The following HECW2 variants were observed in gnomAD, a reference collection of about 807,000 sequenced individuals.
HECW2 encodes E3 ubiquitin-protein ligase HECW2.
In HECW2, 61 loss-of-function variants were observed where a neutral mutation model predicts 175.2. The ratio of observed to expected loss-of-function variants is 0.35; its 90% confidence interval spans 0.28 to 0.43. The LOEUF (loss-of-function observed/expected upper bound fraction) is 0.43. Ranked by LOEUF, HECW2 falls within the 20% of genes least tolerant of loss-of-function variation. The pLI is 1.00. For missense variants in HECW2, 1,524 were observed against 2,000.5 expected (o/e 0.76, Z 4.54); for synonymous variants, 671 against 731.0 (o/e 0.92, Z 1.32).
At chr2:196,251,048 T>A (rs1317144902) in intron 19 of HECW2, among the ~76,000 whole-genome samples, 1 of 152,064 alleles carries the variant, frequency 6.6e-6, no homozygotes, top group Non-Finnish European at 1.5e-5. Flanking sequence ...TGATGCCCTA[T>A]CCCCCTTTTG....
At chr2:196,431,265 G>A (rs1695704285) in intron 2 of HECW2, among the ~76,000 whole-genome samples, 1 of 152,142 alleles carries the variant, frequency 6.6e-6, no homozygotes, top group Non-Finnish European at 1.5e-5. Flanking sequence ...ACAACATCAA[G>A]ATTTTGTGGG....
intron 2 of HECW2, among the ~76,000 whole-genome samples, chr2:196,386,168 G>T (rs190465707): frequency 1.9e-4 from 29 of 152,302 alleles, no homozygotes; most frequent in Admixed American, 7.2e-4. Context: ...AAAACCACCT[G>T]CCCTCATGGA....
At chr2:196,419,446 AC>A (rs1326307556) in intron 2 of HECW2, among the ~76,000 whole-genome samples, 7 of 152,152 alleles carry the variant, frequency 4.6e-5, no homozygotes, top group African/African-American at 9.7e-5. Flanking sequence ...ATGCCAAAAA[AC>A]ATCTCAATTT....
chr2:196,266,282 T>C (rs528094251), intron 17 of HECW2, among the ~76,000 whole-genome samples: 116 of 151,586 alleles, frequency 7.7e-4, no homozygotes, highest in Non-Finnish European at 1.5e-4. Flanking sequence ...AGGAGGTTGA[T>C]GCTGCAGTCA....
chr2:196,271,588 T>C (rs921183688), intron 16 of HECW2, among the ~76,000 whole-genome samples: 9 of 152,268 alleles, frequency 5.9e-5, no homozygotes, highest in Middle Eastern at 3.4e-3. Context: ...GTGCCCGGCC[T>C]ATAAATCCAA....
chr2:196,371,485 C>T (rs79576132), intron 2 of HECW2, among the ~76,000 whole-genome samples: 5,787 of 152,250 alleles, frequency 0.038, 161 homozygotes, highest in Non-Finnish European at 0.054. Context: ...CAGTGCTCCA[C>T]AAAATGTGGG....
chr2:196,396,912 C>G lies in HECW2; in HGVS notation c.292+36220G>C, dbSNP rs558054188. Among the ~76,000 whole-genome samples the G allele has an allele frequency of 2.7e-4, 41 of 152,066 alleles. 1 individual carries two copies. Among genetic ancestry groups the G allele is most frequent in the African/African-American group, 9.9e-4 (41 of 41,490 alleles). On this transcript the variant is annotated intron_variant, in intron 2 of 28. Coordinates refer to ENST00000644978, the MANE Select transcript of HECW2 (RefSeq NM_001348768.2). ...GGATCACGAGGTCAGGAGATTGAGA[C>G]CATCCTGGCTAACATGGTGAAGCCC...
chr2:196,249,923 C>A (rs540490185), intron 19 of HECW2, among the ~76,000 whole-genome samples: 6 of 152,218 alleles, frequency 3.9e-5, no homozygotes, highest in Non-Finnish European at 8.8e-5. Context: ...AAATGTTTAA[C>A]TCTAAATGTA....
chr2:196,487,439 T>C (rs1687047424), intron 1 of HECW2, among the ~76,000 whole-genome samples: 1 of 152,206 alleles, frequency 6.6e-6, no homozygotes, highest in Non-Finnish European at 1.5e-5. Flanking sequence ...AGTTAGATCA[T>C]GAAGAAAGGC....
At position 196,473,160 on chromosome 2, in the gene HECW2, A is replaced by C. The variant is rs796218951; in HGVS notation, c.-35-39702T>G. On this transcript the variant is annotated intron_variant, in intron 1 of 28. Coordinates refer to ENST00000644978, the MANE Select transcript of HECW2 (RefSeq NM_001348768.2). ...TTACTAAAAACCACATTTTTCAAAA[A>C]TCAAACTAGGATAAGTGTGATAGCT... Among the ~76,000 whole-genome samples, 4 of 152,340 alleles carry C rather than the reference A, an allele frequency of 2.6e-5. No individual in the cohort carries two copies. In the East Asian group the frequency reaches 5.8e-4, roughly 22 times the overall value.
At chr2:196,318,190 G>A (rs1288382710) in intron 9 of HECW2, among the ~76,000 whole-genome samples, 1 of 152,168 alleles carries the variant, frequency 6.6e-6, no homozygotes, top group Non-Finnish European at 1.5e-5. Flanking sequence ...TAACAGGCCT[G>A]TTACTTCAGC....
Position 196,227,995 on chromosome 2 carries a change from AC to A in HECW2, c.3917+106del, listed in dbSNP as rs1687915883. ...AATGAGGTATTTAACTGAAAATATG[AC>A]TTTGCCCAAGGGAAAAAATGTTTTA... On this transcript the variant is annotated intron_variant, in intron 22 of 28. Coordinates refer to ENST00000644978, the MANE Select transcript of HECW2 (RefSeq NM_001348768.2). 3 of 1,036,792 alleles carry A rather than the reference AC, an allele frequency of 2.9e-6. No homozygotes were observed. The East Asian group carries it at 8.0e-5, about 28-fold the overall frequency. 64.2% of individuals were successfully genotyped at this position (1,036,792 alleles called of 1,614,324 possible).
At chr2:196,406,593 C>A (rs547774647) in intron 2 of HECW2, among the ~76,000 whole-genome samples, 1 of 152,288 alleles carries the variant, frequency 6.6e-6, no homozygotes, top group Admixed American at 6.5e-5. Flanking sequence ...GGAATAAAAC[C>A]CAAACTCCTT....
intron 1 of HECW2, among the ~76,000 whole-genome samples, chr2:196,451,636 A>G (rs1696350858): frequency 1.3e-5 from 2 of 152,140 alleles, no homozygotes; most frequent in African/African-American, 4.8e-5. Flanking sequence ...GCAGTGGCTC[A>G]TGCCTGTAAT....
At chr2:196,365,959 A>G (rs1308077681) in intron 2 of HECW2, among the ~76,000 whole-genome samples, 1 of 152,220 alleles carries the variant, frequency 6.6e-6, no homozygotes, top group East Asian at 1.9e-4. Context: ...TTGGGTCTGT[A>G]TAACATCAAA....
Position 196,307,978 on chromosome 2 carries a change from G to T in HECW2, c.2542C>A (p.Gln848Lys). Residue 848 changes from glutamine (Q) to lysine (K), a missense_variant, in exon 11 of 29, where the codon CAG becomes AAG. Transcript: ENST00000644978. The stretch of plus-strand genomic sequence containing the variant: ...ATTTGCTGTATGGAGTTAGATCTCT[G>T]CAGCACCTGCGGGGCTGGGGGAGCT... ...PTAPPAPQVLQRSNSIQQMEQ... is the reference protein window; with the variant it reads ...PTAPPAPQVLKRSNSIQQMEQ... The T allele has an allele frequency of 6.2e-7, 1 of 1,602,772 alleles. No homozygotes were observed.
chr2:196,300,931 A>G (rs771405505), intron 13 of HECW2, among the ~76,000 whole-genome samples: 25 of 151,916 alleles, frequency 1.6e-4, no homozygotes, highest in Admixed American at 8.5e-4. Flanking sequence ...TGTTACATAG[A>G]CAAATGTGTG....
intron 1 of HECW2, among the ~76,000 whole-genome samples, chr2:196,534,392 A>G (rs1409630276): frequency 1.3e-5 from 2 of 152,232 alleles, no homozygotes; most frequent in Admixed American, 1.3e-4. Flanking sequence ...ATAAATTATT[A>G]GTAGCAACGT....
At chr2:196,431,914 A>C (rs1695724836) in intron 2 of HECW2, among the ~76,000 whole-genome samples, 1 of 152,240 alleles carries the variant, frequency 6.6e-6, no homozygotes, top group Non-Finnish European at 1.5e-5. Flanking sequence ...ATTTCAGTCA[A>C]TATAAAATTC....
Sources: gnomAD v4.1 joint callset for allele counts (sites outside exome capture counted in the v4.1 genomes callset) on GRCh38, gnomAD v4.1.1 for gene constraint, MANE v1.5 for transcripts, NCBI Gene and HGNC (gene_info 2026-07-23, HGNC 2026-07-21) for gene names.